Variants in MAPKAP1 observed in about 807,000 individuals in gnomAD.
The protein encoded by MAPKAP1 is MAPK associated protein 1.
Under a neutral mutation model 65.7 loss-of-function variants are expected in MAPKAP1, and 20 were observed. That is an observed-to-expected ratio of 0.30 (90% confidence interval 0.21 to 0.44). The LOEUF is 0.44. MAPKAP1 is among the 20% of genes least tolerant of loss of function. MAPKAP1 has a pLI of 1.00. For missense variants in MAPKAP1, 423 were observed against 648.0 expected, an observed-to-expected ratio of 0.65 and a Z score of 3.77; for synonymous variants, 222 against 244.3, an observed-to-expected ratio of 0.91 and a Z score of 0.85.
chr9:125,551,804 A>C (rs1266231334), intron 6 of MAPKAP1, among the ~76,000 whole-genome samples: 1 of 152,166 alleles, frequency 6.6e-6, no homozygotes, highest in Non-Finnish European at 1.5e-5. Flanking sequence ...AATTCTGACT[A>C]AATTAGGTCT....
At chr9:125,543,846 C>T (rs1024663203) in intron 6 of MAPKAP1, among the ~76,000 whole-genome samples, 3 of 152,140 alleles carry the variant, frequency 2.0e-5, no homozygotes, top group Non-Finnish European at 4.4e-5. Flanking sequence ...AACTGATAAA[C>T]TTGGCTTGTG....
intron 5 of MAPKAP1, chr9:125,565,848 G>C (rs1029058732): frequency 1.1e-5 from 3 of 280,186 alleles, no homozygotes; most frequent in African/African-American, 7.0e-5. Flanking sequence ...GTAACACATA[G>C]TAGGCCCTCC....
chr9:125,438,815 G>C lies in MAPKAP1; in HGVS notation c.*72C>G. The C allele has an allele frequency of 6.3e-7, 1 of 1,596,024 alleles. No homozygotes were observed. Among genetic ancestry groups the C allele is most frequent in the Non-Finnish European group, 8.6e-7 (1 of 1,168,454 alleles). On this transcript the variant is annotated 3_prime_UTR_variant, in exon 12 of 12. Coordinates refer to ENST00000265960, the MANE Select transcript of MAPKAP1 (RefSeq NM_001006617.3). ...CCCCCCGAGGACTTCAGGACACCGG[G>C]TGGACTCTAGGGCACTTGGCCCTGG...
chr9:125,448,208 C>A (rs1283704609), intron 10 of MAPKAP1, among the ~76,000 whole-genome samples: 1 of 152,054 alleles, frequency 6.6e-6, no homozygotes, highest in Non-Finnish European at 1.5e-5. Context: ...GGAATGGAGG[C>A]GAGAACTACA....
intron 4 of MAPKAP1, among the ~76,000 whole-genome samples, chr9:125,634,310 C>G (rs1564594147): frequency 6.6e-6 from 1 of 152,112 alleles, no homozygotes; most frequent in Non-Finnish European, 1.5e-5. Context: ...AGATTTATTG[C>G]CTCCAGACAG....
chr9:125,706,987 A>C lies in MAPKAP1; in HGVS notation c.-86T>G, dbSNP rs1204562726. 4 of 395,464 alleles carry C rather than the reference A, an allele frequency of 1.0e-5. No individual in the cohort carries two copies. Among genetic ancestry groups the C allele is most frequent in the Non-Finnish European group, 1.8e-5 (4 of 224,588 alleles). The allele number at this position is 395,464 out of a possible 1,614,324, so 24.5% of individuals were successfully genotyped here. A position where few individuals can be genotyped will look rare whatever the true frequency, so the allele number is the denominator to read the frequency against. The stretch of plus-strand genomic sequence containing the variant: ...AACCTTTACCTGAAGCTGCTTCCAC[A>C]CTACGGGCCGGGTCGGCCCCGGGAC... On this transcript the variant is annotated 5_prime_UTR_variant, in exon 1 of 12. Transcript: ENST00000265960.
chr9:125,502,373 T>G (rs1829010036), intron 8 of MAPKAP1, among the ~76,000 whole-genome samples: 1 of 152,186 alleles, frequency 6.6e-6, no homozygotes, highest in Non-Finnish European at 1.5e-5. Flanking sequence ...AGTGCTGGGA[T>G]TACAGGCGTG....
intron 10 of MAPKAP1, among the ~76,000 whole-genome samples, chr9:125,464,190 C>T (rs1161464674): frequency 1.6e-5 from 2 of 125,840 alleles, no homozygotes; most frequent in African/African-American, 6.1e-5. Flanking sequence ...ACAGTGAGAC[C>T]CTGTCTCATA....
Position 125,672,433 on chromosome 9 carries a change from C to T in MAPKAP1, c.142G>A (p.Gly48Arg). The T allele has an allele frequency of 6.2e-7, 1 of 1,614,182 alleles. No homozygotes were observed. ...CCCTGAATTTCTGACCCACTGTCTC[C>T]AGGCATTGAAGGAGGATGAATCTTC... is the stretch of plus-strand genomic sequence containing the variant. ...LEKIHPPSMP[G>R]DSGSEIQGSN... The change falls in exon 2 of 12, where the codon GGA becomes AGA. Residue 48 changes from glycine (G) to arginine (R), a missense_variant. Around this residue, in one of 6 missense-constraint regions of MAPKAP1, gnomAD observed 58 missense variants for 56.9 expected, o/e 1.02. Transcript: ENST00000265960.
At chr9:125,651,771 A>G (rs577503683) in intron 4 of MAPKAP1, among the ~76,000 whole-genome samples, 17 of 152,318 alleles carry the variant, frequency 1.1e-4, no homozygotes, top group African/African-American at 4.1e-4. Context: ...GACTTTCCGT[A>G]TTATGCAGCC....
chr9:125,611,674 G>A (rs986207484), intron 4 of MAPKAP1, among the ~76,000 whole-genome samples: 2 of 152,110 alleles, frequency 1.3e-5, no homozygotes, highest in African/African-American at 2.4e-5. Context: ...TCAACCAAAT[G>A]GAGCAGGTGT....
At chr9:125,480,722 C>T (rs1854276581) in intron 9 of MAPKAP1, among the ~76,000 whole-genome samples, 1 of 151,432 alleles carries the variant, frequency 6.6e-6, no homozygotes, top group Non-Finnish European at 1.5e-5. Flanking sequence ...CCTGTAATCC[C>T]AGCACTTTGG....
intron 4 of MAPKAP1, among the ~76,000 whole-genome samples, chr9:125,640,845 G>T (rs1833557463): frequency 6.6e-6 from 1 of 152,186 alleles, no homozygotes; most frequent in Non-Finnish European, 1.5e-5. Flanking sequence ...TATGCAACAT[G>T]TTGGGAAATT....
intron 1 of MAPKAP1, among the ~76,000 whole-genome samples, chr9:125,682,006 C>T (rs1834837054): frequency 6.6e-6 from 1 of 152,206 alleles, no homozygotes; most frequent in Non-Finnish European, 1.5e-5. Flanking sequence ...AAGCGATACT[C>T]CCACTTTGGC....
At chr9:125,609,285 G>A (rs768309859) in intron 4 of MAPKAP1, among the ~76,000 whole-genome samples, 26 of 152,218 alleles carry the variant, frequency 1.7e-4, no homozygotes, top group Non-Finnish European at 3.4e-4. Flanking sequence ...AGTACCCAAA[G>A]CAGCTCCCTT....
intron 4 of MAPKAP1, among the ~76,000 whole-genome samples, chr9:125,586,092 T>G (rs1429364744): frequency 6.6e-6 from 1 of 152,134 alleles, no homozygotes; most frequent in African/African-American, 2.4e-5. Context: ...TGTCTCATTG[T>G]CCTTGAGACA....
chr9:125,459,854 G>GGGGAGA (rs141623896), intron 10 of MAPKAP1, among the ~76,000 whole-genome samples: 3,519 of 127,258 alleles, frequency 0.028, 122 homozygotes, highest in African/African-American at 0.057. Context: ...GGGAGACCGT[G>GGGGAGA]GGGAGAGGGA....
chr9:125,470,567 CT>C (rs1853871106), intron 9 of MAPKAP1, among the ~76,000 whole-genome samples: 2 of 152,354 alleles, frequency 1.3e-5, no homozygotes, highest in East Asian at 1.9e-4. Flanking sequence ...TTATTTTTAT[CT>C]GCAAATTGTT....
At chr9:125,524,032 T>C (rs1206514809) in intron 7 of MAPKAP1, among the ~76,000 whole-genome samples, 3 of 152,210 alleles carry the variant, frequency 2.0e-5, no homozygotes, top group Non-Finnish European at 2.9e-5. Context: ...CCTTGGTGAG[T>C]ACTTATTTAT....
Sources: allele counts gnomAD v4.1 joint callset (sites outside exome capture counted in the v4.1 genomes callset), GRCh38; gene constraint gnomAD v4.1.1; regional missense constraint gnomAD v4.1.1; transcripts MANE v1.5; gene names NCBI Gene and HGNC (gene_info 2026-07-23, HGNC 2026-07-21).